Variants in GFRA2 observed in about 807,000 individuals in gnomAD.
GFRA2 encodes the protein GDNF family receptor alpha 2.
A neutral mutation model predicts 48.3 loss-of-function variants in GFRA2; 17 were observed. The ratio of observed to expected loss-of-function variants is 0.35; its 90% CI spans 0.24 to 0.53. GFRA2 has a LOEUF of 0.53. Among genes scored for constraint, GFRA2 ranks in the 20% least tolerant of loss-of-function variants. GFRA2 has a pLI of 0.93. For synonymous variants in GFRA2, 305 were observed against 257.2 expected (o/e 1.19, Z -1.78); for missense variants, 660 against 637.3 (o/e 1.04, Z -0.38).
chr8:21,764,646 G>A (rs1806070150), intron 3 of GFRA2, among the ~76,000 whole-genome samples: 1 of 152,194 alleles, frequency 6.6e-6, no homozygotes, highest in Non-Finnish European at 1.5e-5. Flanking sequence ...GCGTGCTGGT[G>A]CACGCCACAT....
chr8:21,719,340 A>G (rs1009237681), intron 4 of GFRA2, among the ~76,000 whole-genome samples: 4 of 151,490 alleles, frequency 2.6e-5, no homozygotes, highest in Non-Finnish European at 5.9e-5. Flanking sequence ...CATTGGATAC[A>G]CTCCTTCACG....
In GFRA2 at chr8:21,702,985, G is replaced by A. The variant is rs778757548; in HGVS notation, c.1046-8C>T. 8 of 1,503,732 alleles carry A rather than the reference G, an allele frequency of 5.3e-6. No homozygotes were observed. Among genetic ancestry groups the A allele is most frequent in the Non-Finnish European group, 5.3e-6 (6 of 1,130,480 alleles). 93.1% of individuals were successfully genotyped at this position (1,503,732 alleles called of 1,614,324 possible). A position where few individuals can be genotyped will look rare whatever the true frequency, so the allele number is the denominator to read the frequency against. ...AGGCCTGGATGGCGTTCCCTGGGAT[G>A]GGGGTGAGGGCAGATGCAGAGAAGT... On this transcript the variant is annotated splice_region_variant and splice_polypyrimidine_tract_variant and intron_variant, in intron 6 of 8. Coordinates refer to ENST00000524240, the MANE Select transcript of GFRA2 (RefSeq NM_001495.5).
rs10088105 is a variant in GFRA2 at position 21,707,503 on chromosome 8, G to T, written c.795-1462C>A. On this transcript the variant is annotated intron_variant, in intron 4 of 8. Transcript: ENST00000524240. ...GTATGTCCCACCACTGGACAAATTC[G>T]TTTCTCTGGAGGCCCCCGCGATCCT... is the stretch of plus-strand genomic sequence containing the variant. 5.2e-3 allele frequency among the ~76,000 whole-genome samples: 786 copies of T among 152,030 alleles called. 7 individuals are homozygous for T. Among genetic ancestry groups the T allele is most frequent in the African/African-American group, 0.018 (750 of 41,462 alleles).
chr8:21,766,252 C>T (rs1046355789), intron 3 of GFRA2, among the ~76,000 whole-genome samples: 2 of 152,074 alleles, frequency 1.3e-5, no homozygotes, highest in Non-Finnish European at 2.9e-5. Context: ...TCCCAGTCAC[C>T]TCTGTCCCAT....
At chr8:21,767,582 G>A (rs1346610449) in intron 3 of GFRA2, among the ~76,000 whole-genome samples, 8 of 152,220 alleles carry the variant, frequency 5.3e-5, no homozygotes, top group South Asian at 4.1e-4. Context: ...CCCCACCAGC[G>A]CCATCTCAAG....
chr8:21,701,016 T>C (rs149648055), intron 7 of GFRA2, among the ~76,000 whole-genome samples: 241 of 152,284 alleles, frequency 1.6e-3, no homozygotes, highest in African/African-American at 5.6e-3. Flanking sequence ...GAGGCACCCA[T>C]GCCAGCCCCA....
intron 1 of GFRA2, among the ~76,000 whole-genome samples, chr8:21,783,409 C>T (rs1222509452): frequency 3.3e-5 from 5 of 152,122 alleles, no homozygotes; most frequent in African/African-American, 1.2e-4. Flanking sequence ...CTGTTAGGAC[C>T]TTATAGACAC....
intron 4 of GFRA2, among the ~76,000 whole-genome samples, chr8:21,730,137 G>A (rs921487861): frequency 2.0e-5 from 3 of 152,162 alleles, no homozygotes; most frequent in African/African-American, 7.2e-5. Flanking sequence ...AGGCGCGGTG[G>A]CTCGCACTTG....
At chr8:21,765,403 A>C (rs1472770530) in intron 3 of GFRA2, among the ~76,000 whole-genome samples, 8 of 151,878 alleles carry the variant, frequency 5.3e-5, no homozygotes, top group Non-Finnish European at 4.4e-5. Context: ...GAGCCACTAC[A>C]CCTGACCCAC....
At chr8:21,702,555 C>T (rs1483907038) in intron 7 of GFRA2, among the ~76,000 whole-genome samples, 1 of 152,220 alleles carries the variant, frequency 6.6e-6, no homozygotes, top group Non-Finnish European at 1.5e-5. Flanking sequence ...GGCTGTGCCC[C>T]ACTGCCTGTT....
At chr8:21,785,173 G>A (rs1360233923) in intron 1 of GFRA2, among the ~76,000 whole-genome samples, 1 of 152,198 alleles carries the variant, frequency 6.6e-6, no homozygotes, top group African/African-American at 2.4e-5. Flanking sequence ...TTAGCCCAGG[G>A]GATTCAGGGC....
intron 1 of GFRA2, among the ~76,000 whole-genome samples, chr8:21,787,718 C>T (rs1807351854): frequency 6.6e-6 from 1 of 152,210 alleles, no homozygotes; most frequent in African/African-American, 2.4e-5. Context: ...TGTTCTCTCC[C>T]CGCCTAGGAG....
intron 2 of GFRA2, chr8:21,797,393 G>A (rs1367304355): frequency 3.4e-5 from 5 of 148,124 alleles, no homozygotes; most frequent in Non-Finnish European, 7.4e-5. Flanking sequence ...CCAGGCTCAG[G>A]TGATCCTCCC....
intron 1 of GFRA2, chr8:21,783,168 G>A (rs1392313524): frequency 6.4e-6 from 4 of 624,502 alleles, no homozygotes; most frequent in Non-Finnish European, 1.2e-5. Flanking sequence ...AATAAAGCCA[G>A]GAAGGTCCCG....
chr8:21,760,608 A>T lies in GFRA2; in HGVS notation c.440-9666T>A, dbSNP rs370223584. Among the ~76,000 whole-genome samples, 226 of 152,350 alleles carry T rather than the reference A, an allele frequency of 1.5e-3. 1 individual carries two copies. Among genetic ancestry groups the T allele is most frequent in the African/African-American group, 5.1e-3 (211 of 41,568 alleles). ...TTGACTTAAGTTTGAGATGTCTATT[A>T]GATGTCGAAGCAGGGATGTTGAATA... On this transcript the variant is annotated intron_variant, in intron 3 of 8. Transcript: ENST00000524240.
intron 2 of GFRA2, among the ~76,000 whole-genome samples, chr8:21,778,584 AACCATCTCAAG>A (rs1806824485): frequency 6.6e-6 from 1 of 152,196 alleles, no homozygotes; most frequent in South Asian, 2.1e-4. Context: ...TGAATGAATA[AACCATCTCAAG>A]ACTTAGAACC....
At chr8:21,721,503 T>G (rs1803592621) in intron 4 of GFRA2, among the ~76,000 whole-genome samples, 1 of 152,028 alleles carries the variant, frequency 6.6e-6, no homozygotes, top group East Asian at 1.9e-4. Context: ...GCAAAGGAAG[T>G]CAGAGACGAG....
At chr8:21,755,191 T>G (rs1805509342) in intron 3 of GFRA2, among the ~76,000 whole-genome samples, 1 of 151,794 alleles carries the variant, frequency 6.6e-6, no homozygotes, top group Non-Finnish European at 1.5e-5. Flanking sequence ...ACACCAAGAG[T>G]GAACTCTAAT....
At chr8:21,748,519 T>C (rs563721422) in intron 4 of GFRA2, among the ~76,000 whole-genome samples, 1 of 152,100 alleles carries the variant, frequency 6.6e-6, no homozygotes, top group Non-Finnish European at 1.5e-5. Flanking sequence ...TCCTCTGAAA[T>C]AATCCAGTTT....
Sources: gnomAD v4.1 joint callset for allele counts (sites outside exome capture counted in the v4.1 genomes callset) on GRCh38, gnomAD v4.1.1 for gene constraint, MANE v1.5 for transcripts, NCBI Gene and HGNC (gene_info 2026-07-23, HGNC 2026-07-21) for gene names.